Variants in ARHGAP21 observed in about 807,000 individuals in gnomAD.
The protein encoded by ARHGAP21 is Rho GTPase activating protein 21.
A neutral mutation model predicts 164.6 loss-of-function variants in ARHGAP21; 38 were observed. The ratio of observed to expected loss-of-function variants is 0.23; its 90% CI spans 0.18 to 0.30. The LOEUF is 0.30. Ranked by LOEUF, ARHGAP21 falls within the 10% of genes least tolerant of loss-of-function variation. The pLI is 1.00. For synonymous variants in ARHGAP21, 766 were observed against 857.9 expected (o/e 0.89, Z 1.87); for missense variants, 1,822 against 2,370.7 (o/e 0.77, Z 4.81).
chr10:24,595,538 A>G (rs1450113587), intron 19 of ARHGAP21, among the ~76,000 whole-genome samples, 179 bp downstream of exon 19: 1 of 152,242 alleles, frequency 6.6e-6, no homozygotes, highest in Non-Finnish European at 1.5e-5. Flanking sequence ...TGAACAAGAT[A>G]ATACATATTT....
intron 24 of ARHGAP21, chr10:24,590,027 T>C (rs1303199842): frequency 3.2e-6 from 1 of 311,782 alleles, no homozygotes; most frequent in Non-Finnish European, 4.9e-6. Flanking sequence ...AAACTCAGAT[T>C]ATACAATTAT....
At chr10:24,599,597 C>T (rs924807304) in intron 14 of ARHGAP21, among the ~76,000 whole-genome samples, 3 of 152,132 alleles carry the variant, frequency 2.0e-5, no homozygotes, top group Non-Finnish European at 2.9e-5. Flanking sequence ...AAGAGAACTT[C>T]GTGCCCCTTT....
intron 2 of ARHGAP21, among the ~76,000 whole-genome samples, chr10:24,689,987 A>G (rs988679031): frequency 6.6e-6 from 1 of 151,180 alleles, no homozygotes; most frequent in Admixed American, 6.6e-5. Context: ...CACACAAAAA[A>G]TACATACTTT....
Position 24,674,714 on chromosome 10 carries a change from T to TACACAC in ARHGAP21, c.64-4323_64-4318dup, listed in dbSNP as rs200032243. ...AAATATATATATTTTATGAAAAGTA[T>TACACAC]ACACACACACACACACGTATATACA... On this transcript the variant is annotated intron_variant, in intron 2 of 25. Coordinates refer to ENST00000396432, the MANE Select transcript of ARHGAP21 (RefSeq NM_020824.4). 1.7e-4 allele frequency among the ~76,000 whole-genome samples: 25 copies of TACACAC among 151,274 alleles called. No homozygotes were observed. In the South Asian group the frequency reaches 5.2e-3, roughly 32 times the overall value.
At chr10:24,626,242 T>C (rs992817909) in intron 7 of ARHGAP21, among the ~76,000 whole-genome samples, 1 of 152,196 alleles carries the variant, frequency 6.6e-6, no homozygotes, top group Non-Finnish European at 1.5e-5. Flanking sequence ...CCCGATCTAG[T>C]TCTCCTACCA....
chr10:24,618,320 A>G (rs1834192166), intron 9 of ARHGAP21, among the ~76,000 whole-genome samples: 2 of 152,308 alleles, frequency 1.3e-5, no homozygotes, highest in East Asian at 1.9e-4. Context: ...CACAAAAGTG[A>G]ACCAAAGATT....
intron 9 of ARHGAP21, 113 bp from the exon 10 acceptor site, chr10:24,608,016 C>T: frequency 2.2e-6 from 2 of 922,846 alleles, no homozygotes; most frequent in Non-Finnish European, 3.1e-6. Context: ...CACTTCACCA[C>T]CAAAGCACAT....
At chr10:24,719,848 G>A (rs1253371848) in intron 2 of ARHGAP21, among the ~76,000 whole-genome samples, 1 of 152,088 alleles carries the variant, frequency 6.6e-6, no homozygotes, top group Non-Finnish European at 1.5e-5. Flanking sequence ...ACTAAATACA[G>A]GCAATAATTA....
At chr10:24,635,126 A>G in intron 4 of ARHGAP21, 23 bp from the exon 5 acceptor site, 1 of 1,492,960 alleles carries the variant, frequency 6.7e-7, no homozygotes, top group South Asian at 1.2e-5. Context: ...AGCCCAAAGC[A>G]TGATTTTACT....
intron 21 of ARHGAP21, 98 bp downstream of exon 21, chr10:24,594,852 T>TACAA (rs1264890649): frequency 4.9e-6 from 5 of 1,019,770 alleles, no homozygotes; most frequent in Non-Finnish European, 6.9e-6. Context: ...GATGTTGAAT[T>TACAA]ACAAACCTTT....
At chr10:24,695,555 T>G in intron 2 of ARHGAP21, among the ~76,000 whole-genome samples, 1 of 144,184 alleles carries the variant, frequency 6.9e-6, no homozygotes, top group Non-Finnish European at 1.5e-5. Context: ...GGTGATGGAG[T>G]GAGACTGCGT....
intron 4 of ARHGAP21, among the ~76,000 whole-genome samples, chr10:24,650,218 T>A (rs1432096069): frequency 6.6e-6 from 1 of 152,188 alleles, no homozygotes; most frequent in South Asian, 2.1e-4. Flanking sequence ...ATAAGTAACA[T>A]GTTGGAGCCA....
rs906398034 is a variant in ARHGAP21, at chr10:24,721,979, A to G, written c.-80T>C. The G allele has an allele frequency of 1.4e-6, 2 of 1,462,662 alleles. No individual in the cohort carries two copies. Among genetic ancestry groups the G allele is most frequent in the Non-Finnish European group, 1.9e-6 (2 of 1,051,770 alleles). 90.6% of individuals were successfully genotyped at this position (1,462,662 alleles called of 1,614,324 possible). On this transcript the variant is annotated 5_prime_UTR_variant, in exon 2 of 26. Coordinates refer to ENST00000396432, the MANE Select transcript of ARHGAP21 (RefSeq NM_020824.4). ...GCGGGGAATGCCACCACACACCCGA[A>G]GGGGAAGAATTCCACAAGCAGGCTC...
At chr10:24,702,711 C>T (rs1284323480) in intron 2 of ARHGAP21, among the ~76,000 whole-genome samples, 3 of 151,972 alleles carry the variant, frequency 2.0e-5, no homozygotes, top group Non-Finnish European at 4.4e-5. Flanking sequence ...CTCAGCCTCC[C>T]AAATATCTGG....
At chr10:24,595,287 G>GA in intron 19 of ARHGAP21, 97 bp from the exon 20 acceptor site, 1 of 1,011,920 alleles carries the variant, frequency 9.9e-7, no homozygotes, top group Non-Finnish European at 1.5e-6. Context: ...CACAACATAG[G>GA]AAAGAGTTCT....
At chr10:24,586,652 G>A (rs1480210672) in intron 25 of ARHGAP21, among the ~76,000 whole-genome samples, 1 of 152,190 alleles carries the variant, frequency 6.6e-6, no homozygotes, top group East Asian at 1.9e-4. Flanking sequence ...GGGAACTCTG[G>A]TCTTCCATTA....
intron 2 of ARHGAP21, among the ~76,000 whole-genome samples, chr10:24,718,058 C>A (rs530403365): frequency 6.6e-6 from 1 of 152,164 alleles, no homozygotes; most frequent in Non-Finnish European, 1.5e-5. Context: ...CGTAGGGAAT[C>A]TGTTTCTGTG....
intron 9 of ARHGAP21, among the ~76,000 whole-genome samples, chr10:24,615,604 C>G (rs188664364): frequency 6.6e-6 from 1 of 152,160 alleles, no homozygotes; most frequent in African/African-American, 2.4e-5. Flanking sequence ...AACAGGCAAT[C>G]GGCTCTGTCA....
intron 21 of ARHGAP21, among the ~76,000 whole-genome samples, chr10:24,594,569 G>A (rs946762243): frequency 6.6e-6 from 1 of 152,246 alleles, no homozygotes; most frequent in East Asian, 1.9e-4. Context: ...AAATGTGGTG[G>A]TGTTAAAAGG....
Sources: allele counts gnomAD v4.1 joint callset (sites outside exome capture counted in the v4.1 genomes callset), GRCh38; gene constraint gnomAD v4.1.1; transcripts MANE v1.5; gene names NCBI Gene and HGNC (gene_info 2026-07-23, HGNC 2026-07-21).